ARL15: variants seen among roughly 807,000 people sequenced by gnomAD.
ARL15 encodes the protein ADP-ribosylation factor-like protein 15.
Under a neutral mutation model 25.2 loss-of-function variants are expected in ARL15, and 19 were observed. That is an observed-to-expected ratio of 0.75 (90% CI 0.53 to 1.10). The LOEUF (loss-of-function observed/expected upper bound fraction) is 1.10, where lower values mean the gene tolerates loss of function less well. ARL15 is among the 50% of genes least tolerant of loss of function. ARL15 has a pLI of 0.00. For missense variants in ARL15, 220 were observed against 246.0 expected (o/e 0.89, Z 0.71); for synonymous variants, 94 against 86.8 (o/e 1.08, Z -0.46).
chr5:54,305,698 G>C (rs565510685), intron 1 of ARL15, among the ~76,000 whole-genome samples: 2 of 152,100 alleles, frequency 1.3e-5, no homozygotes, highest in South Asian at 2.1e-4. Flanking sequence ...AATAATAAAA[G>C]TGAACAATGA....
At chr5:54,218,309 T>C (rs1241174235) in intron 1 of ARL15, among the ~76,000 whole-genome samples, 1 of 152,204 alleles carries the variant, frequency 6.6e-6, no homozygotes, top group Non-Finnish European at 1.5e-5. Context: ...ACACAATGAA[T>C]ACTTCCTAGT....
At chr5:53,938,481 C>A (rs1247584021) in intron 4 of ARL15, among the ~76,000 whole-genome samples, 1 of 152,228 alleles carries the variant, frequency 6.6e-6, no homozygotes, top group East Asian at 1.9e-4. Flanking sequence ...TTGCATACAT[C>A]AATCTTTTGT....
chr5:53,899,757 C>T (rs950423113), intron 4 of ARL15, among the ~76,000 whole-genome samples: 1 of 152,176 alleles, frequency 6.6e-6, no homozygotes, highest in Non-Finnish European at 1.5e-5. Context: ...GATTATGTCT[C>T]TCTCACATTT....
chr5:54,087,327 C>CA lies in ARL15; in HGVS notation c.462+25874dup, dbSNP rs950757430. The stretch of plus-strand genomic sequence containing the variant: ...TGGGCGACAGAGCGAGGCTCCATCT[C>CA]AAAAAAAAAAGAGAGAACTCAGAGT... On this transcript the variant is annotated intron_variant, in intron 4 of 4. Coordinates refer to ENST00000504924, the MANE Select transcript of ARL15 (RefSeq NM_019087.3). Among the ~76,000 whole-genome samples, 918 of 145,906 alleles carry CA rather than the reference C, an allele frequency of 6.3e-3. 8 individuals carry two copies. Among genetic ancestry groups the CA allele is most frequent in the South Asian group, 0.016 (72 of 4,578 alleles).
chr5:54,037,336 A>G (rs868405909), intron 4 of ARL15, among the ~76,000 whole-genome samples: 4 of 152,234 alleles, frequency 2.6e-5, no homozygotes, highest in South Asian at 2.1e-4. Flanking sequence ...TATTTGGAAT[A>G]CATTGAACTT....
At chr5:54,086,628 A>G (rs1729342558) in intron 4 of ARL15, among the ~76,000 whole-genome samples, 1 of 152,120 alleles carries the variant, frequency 6.6e-6, no homozygotes, top group South Asian at 2.1e-4. Flanking sequence ...CCCTTCCTCT[A>G]CCTGCTATTA....
At chr5:54,025,089 C>T (rs1456839871) in intron 4 of ARL15, among the ~76,000 whole-genome samples, 2 of 152,134 alleles carry the variant, frequency 1.3e-5, no homozygotes, top group Middle Eastern at 3.4e-3. Context: ...AGGGCCAAAT[C>T]CCAGGCAGAT....
At chr5:54,156,091 G>T (rs1185408653) in intron 2 of ARL15, among the ~76,000 whole-genome samples, 1 of 152,248 alleles carries the variant, frequency 6.6e-6, no homozygotes, top group East Asian at 1.9e-4. Flanking sequence ...TTTCAAATGG[G>T]TTTGTTTTGC....
At chr5:54,114,254 C>T (rs1752825609) in intron 3 of ARL15, among the ~76,000 whole-genome samples, 1 of 151,484 alleles carries the variant, frequency 6.6e-6, no homozygotes, top group South Asian at 2.1e-4. Flanking sequence ...AAAAATTAGC[C>T]GGGCGTGGCG....
In ARL15 at chr5:53,885,141, C is replaced by T. The variant is rs1744477923; in HGVS notation, c.*1420G>A. The T allele has an allele frequency of 6.6e-6, 1 of 152,528 alleles. No individual in the cohort carries two copies. Among genetic ancestry groups the T allele is most frequent in the African/African-American group, 2.4e-5 (1 of 41,410 alleles). The allele number at this position is 152,528 out of a possible 1,614,324, so 9.4% of individuals were successfully genotyped here. On this transcript the variant is annotated 3_prime_UTR_variant, in exon 5 of 5. Transcript: ENST00000504924. ...CATCATTCTGTAATATAGTGTGAGT[C>T]TGTGGTATTTGGGTATCAGTCCATT...
chr5:53,961,165 A>G (rs1341022619), intron 4 of ARL15, among the ~76,000 whole-genome samples: 1 of 152,160 alleles, frequency 6.6e-6, no homozygotes, highest in Non-Finnish European at 1.5e-5. Context: ...ATTAGGAAAA[A>G]CATTAATAAG....
intron 4 of ARL15, among the ~76,000 whole-genome samples, chr5:53,980,895 C>T (rs910030475): frequency 2.6e-5 from 4 of 152,114 alleles, no homozygotes; most frequent in African/African-American, 9.7e-5. Context: ...GCCGTAGGGT[C>T]ACCTGAGCCC....
chr5:54,109,212 T>C (rs1752669476), intron 4 of ARL15, among the ~76,000 whole-genome samples: 1 of 152,016 alleles, frequency 6.6e-6, no homozygotes, highest in South Asian at 2.1e-4. Flanking sequence ...AATAGAGCCA[T>C]TCAACCTTAT....
chr5:54,134,450 G>A (rs1438874110), intron 3 of ARL15, among the ~76,000 whole-genome samples: 1 of 151,012 alleles, frequency 6.6e-6, no homozygotes, highest in Admixed American at 6.6e-5. Flanking sequence ...AACCAATCTT[G>A]GTTTTCACAG....
In ARL15 at chr5:54,053,544, C is replaced by A. The variant is rs188973877; in HGVS notation, c.462+59658G>T. ...CTCTAGAGTGGAAAAAGTGGAGAAA[C>A]CTGACAAACACTACCTCAAGCAGGT... On this transcript the variant is annotated intron_variant, in intron 4 of 4. Coordinates refer to ENST00000504924, the MANE Select transcript of ARL15 (RefSeq NM_019087.3). Among the ~76,000 whole-genome samples, 375 of 151,568 alleles carry A rather than the reference C, an allele frequency of 2.5e-3. 1 individual carries two copies. The highest frequency in any genetic ancestry group is 8.8e-3 in the African/African-American group (364 of 41,324).
chr5:54,032,896 T>C (rs967257662), intron 4 of ARL15, among the ~76,000 whole-genome samples: 1 of 152,176 alleles, frequency 6.6e-6, no homozygotes, highest in African/African-American at 2.4e-5. Flanking sequence ...ACAGGCCACC[T>C]TGAACTAAAA....
intron 1 of ARL15, among the ~76,000 whole-genome samples, chr5:54,253,057 G>T (rs1757278528): frequency 6.6e-6 from 1 of 151,862 alleles, no homozygotes; most frequent in Admixed American, 6.6e-5. Context: ...AAAAAAGCAA[G>T]AATCAGGAGA....
At chr5:53,957,837 TAGTAATCAAACAGGTAAATATAAA>T (rs1340659519) in intron 4 of ARL15, among the ~76,000 whole-genome samples, 1 of 151,674 alleles carries the variant, frequency 6.6e-6, no homozygotes, top group Admixed American at 6.6e-5. Context: ...AACAGAAAAA[TAGTAATCAAACAGGTAAATATAAA>T]AGCTAGTATA....
At chr5:53,977,349 C>T (rs1252125453) in intron 4 of ARL15, among the ~76,000 whole-genome samples, 6 of 132,682 alleles carry the variant, frequency 4.5e-5, no homozygotes, top group Non-Finnish European at 9.4e-5. Context: ...AGTGAGACTC[C>T]GCCTCAAAAA....
Sources: allele counts gnomAD v4.1 joint callset (sites outside exome capture counted in the v4.1 genomes callset), GRCh38; gene constraint gnomAD v4.1.1; transcripts MANE v1.5; gene names NCBI Gene and HGNC (gene_info 2026-07-23, HGNC 2026-07-21).